Variants in IPO11 observed in about 807,000 individuals in gnomAD.
IPO11 encodes the protein importin 11, also known as importin-11.
IPO11 carries 66 observed loss-of-function variants against 143.2 expected under a neutral mutation model. The observed-to-expected ratio is 0.46, with a 90% CI of 0.38 to 0.57. IPO11 has a LOEUF of 0.57. IPO11 is among the 20% of genes least tolerant of loss of function. IPO11 has a pLI of 0.00. For synonymous variants in IPO11, 385 were observed against 377.8 expected (o/e 1.02, Z -0.22); for missense variants, 1,026 against 1,141.0 (o/e 0.90, Z 1.45).
At chr5:62,496,006 T>G (rs1466339434) in intron 16 of IPO11, among the ~76,000 whole-genome samples, 4 of 152,060 alleles carry the variant, frequency 2.6e-5, no homozygotes, top group African/African-American at 9.7e-5. Context: ...AATGTGCATT[T>G]GTGGCATGCG....
chr5:62,541,372 A>C (rs1742932006), intron 24 of IPO11, among the ~76,000 whole-genome samples: 1 of 132,410 alleles, frequency 7.6e-6, no homozygotes, highest in Non-Finnish European at 1.7e-5. Flanking sequence ...ACGCTGTCTC[A>C]AAAAAAAAAA....
At position 62,437,354 on chromosome 5, in the gene IPO11, A is replaced by G. The variant is rs1744278551; in HGVS notation, c.75A>G (p.Leu25=). Residue 25 remains leucine (L), a synonymous_variant, in exon 2 of 30, where the codon TTA becomes TTG. Coordinates refer to ENST00000325324, the MANE Select transcript of IPO11 (RefSeq NM_016338.5). Reference sequence around the variant, plus strand: ...CCACCAGTCAGGATACTGCTGTGTTAAAACCAGCTGAGGAGCAGTTGAAGC... The same window carrying G: ...CCACCAGTCAGGATACTGCTGTGTTGAAACCAGCTGAGGAGCAGTTGAAGC... The part of the protein sequence containing the change: ...TQATSQDTAV[L]KPAEEQLKQW... The G allele has an allele frequency of 6.2e-7, 1 of 1,613,134 alleles. No individual in the cohort carries two copies. The highest frequency in any genetic ancestry group is 8.5e-7 in the Non-Finnish European group (1 of 1,179,396).
intron 3 of IPO11, among the ~76,000 whole-genome samples, chr5:62,446,886 G>A (rs534433947): frequency 8.0e-4 from 121 of 151,598 alleles, no homozygotes; most frequent in Middle Eastern, 3.4e-3. Flanking sequence ...GGAGAATCTC[G>A]AACCTGGGAG....
intron 2 of IPO11, among the ~76,000 whole-genome samples, chr5:62,442,411 A>AAT (rs1462521598): frequency 2.0e-5 from 3 of 152,246 alleles, no homozygotes; most frequent in African/African-American, 7.2e-5. Flanking sequence ...CTTAAAGCAG[A>AAT]ATAGTACAAT....
At chr5:62,460,462 A>G (rs1289597895) in intron 5 of IPO11, among the ~76,000 whole-genome samples, 1 of 152,230 alleles carries the variant, frequency 6.6e-6, no homozygotes, top group Non-Finnish European at 1.5e-5. Context: ...TTTTTGTCTC[A>G]GTATTCGTGA....
At chr5:62,521,213 A>C (rs898352633) in intron 20 of IPO11, among the ~76,000 whole-genome samples, 4 of 152,170 alleles carry the variant, frequency 2.6e-5, no homozygotes, top group Non-Finnish European at 5.9e-5. Context: ...CTTGTTTTAC[A>C]TTCTTTTTCT....
At chr5:62,602,105 G>A (rs1287477845) in intron 29 of IPO11, among the ~76,000 whole-genome samples, 1 of 152,140 alleles carries the variant, frequency 6.6e-6, no homozygotes, top group African/African-American at 2.4e-5. Context: ...ACTTATGGAA[G>A]GTATGTGTGA....
intron 29 of IPO11, among the ~76,000 whole-genome samples, chr5:62,617,345 A>G (rs1392532788): frequency 3.9e-5 from 6 of 152,230 alleles, no homozygotes; most frequent in Non-Finnish European, 2.9e-5. Context: ...GTCCACATAT[A>G]ATAGGAACAA....
chr5:62,424,459 GTCTC>G (rs570610458), intron 1 of IPO11, among the ~76,000 whole-genome samples: 112 of 151,574 alleles, frequency 7.4e-4, no homozygotes, highest in Admixed American at 3.9e-3. Context: ...TTGAGAAGAA[GTCTC>G]TCTCTGTTGC....
At chr5:62,504,969 T>C (rs1561339186) in intron 18 of IPO11, 71 bp downstream of exon 18, 1 of 822,118 alleles carries the variant, frequency 1.2e-6, no homozygotes, top group South Asian at 1.9e-5. Flanking sequence ...TACTATTTTA[T>C]ACATGAAATT....
chr5:62,571,443 A>G (rs1744128233), intron 27 of IPO11, among the ~76,000 whole-genome samples: 1 of 152,246 alleles, frequency 6.6e-6, no homozygotes, highest in South Asian at 2.1e-4. Context: ...TGCTTAATGA[A>G]TATGACCACT....
intron 4 of IPO11, 86 bp from the exon 5 acceptor site, chr5:62,451,644 G>A (rs2112161424): frequency 1.0e-6 from 1 of 992,234 alleles, no homozygotes; most frequent in South Asian, 1.4e-5. Flanking sequence ...TTTTTGTCAA[G>A]TGTATAATTA....
intron 9 of IPO11, among the ~76,000 whole-genome samples, chr5:62,480,933 GGA>G (rs1746179007): frequency 2.1e-5 from 1 of 46,910 alleles, no homozygotes; most frequent in Non-Finnish European, 4.5e-5. Context: ...TTTTTTTTTT[GGA>G]GACAGAGTCT....
intron 2 of IPO11, among the ~76,000 whole-genome samples, chr5:62,439,588 A>G (rs1580179109): frequency 6.8e-6 from 1 of 147,586 alleles, no homozygotes; most frequent in Admixed American, 6.8e-5. Context: ...CGCCTGGCCC[A>G]GTCTTTTTTT....
chr5:62,497,844 ATCTT>A (rs1741210594), intron 16 of IPO11, among the ~76,000 whole-genome samples: 1 of 152,132 alleles, frequency 6.6e-6, no homozygotes, highest in Admixed American at 6.5e-5. Flanking sequence ...GTAAGGTTCT[ATCTT>A]TCTTTTTTAA....
At chr5:62,589,373 C>T (rs1239933433) in intron 27 of IPO11, among the ~76,000 whole-genome samples, 1 of 152,096 alleles carries the variant, frequency 6.6e-6, no homozygotes, top group Middle Eastern at 3.2e-3. Context: ...CATCATCTTC[C>T]TTCTTATGTC....
At chr5:62,543,056 C>CA (rs1195126824) in intron 24 of IPO11, among the ~76,000 whole-genome samples, 1 of 151,938 alleles carries the variant, frequency 6.6e-6, no homozygotes, top group Non-Finnish European at 1.5e-5. Context: ...CCCAGTCTTA[C>CA]AGATGAGAAA....
chr5:62,575,193 T>G (rs914024914), intron 27 of IPO11, among the ~76,000 whole-genome samples: 1 of 152,242 alleles, frequency 6.6e-6, no homozygotes, highest in Non-Finnish European at 1.5e-5. Context: ...TATTTTCACT[T>G]AGAAATTATT....
At chr5:62,506,913 G>A (rs533674690) in intron 19 of IPO11, among the ~76,000 whole-genome samples, 9 of 152,178 alleles carry the variant, frequency 5.9e-5, no homozygotes, top group African/African-American at 1.4e-4. Context: ...ATCCTTGTTT[G>A]GAAAGCACTG....
Sources: gnomAD v4.1 joint callset for allele counts (sites outside exome capture counted in the v4.1 genomes callset) on GRCh38, gnomAD v4.1.1 for gene constraint, MANE v1.5 for transcripts, NCBI Gene and HGNC (gene_info 2026-07-23, HGNC 2026-07-21) for gene names.